USP54: variants seen among roughly 807,000 people sequenced by gnomAD.
The protein encoded by USP54 is ubiquitin carboxyl-terminal hydrolase 54.
A neutral mutation model predicts 170.5 loss-of-function variants in USP54; 87 were observed. That is an observed-to-expected ratio of 0.51 (90% CI 0.43 to 0.61). USP54 has a LOEUF of 0.61. Ranked by LOEUF, USP54 falls within the 20% of genes least tolerant of loss-of-function variation. The probability of loss-of-function intolerance (pLI) is 0.00; values close to 1 mark genes in which losing one functional copy is unlikely to be tolerated. For synonymous variants in USP54, 655 were observed against 742.8 expected, an observed-to-expected ratio of 0.88 and a Z score of 1.92; for missense variants, 1,786 against 2,047.8, an observed-to-expected ratio of 0.87 and a Z score of 2.47.
chr10:73,520,284 T>C (rs1164092932), intron 18 of USP54, among the ~76,000 whole-genome samples: 1 of 152,148 alleles, frequency 6.6e-6, no homozygotes, highest in Admixed American at 6.5e-5. Context: ...GCCACTCTTG[T>C]CCTTTGCATC....
chr10:73,599,899 C>CTTTTTT (rs536461848), intron 1 of USP54, among the ~76,000 whole-genome samples: 17 of 117,968 alleles, frequency 1.4e-4, no homozygotes, highest in South Asian at 5.6e-4. Context: ...GCACTTTGGG[C>CTTTTTT]TTTTTTTTTT....
upstream of USP54, among the ~76,000 whole-genome samples, chr10:73,591,766 C>T (rs942510920): frequency 2.0e-5 from 3 of 152,010 alleles, no homozygotes; most frequent in Non-Finnish European, 4.4e-5. Context: ...CTTTGCACTG[C>T]AGTCAAAAGG....
chr10:73,613,196 G>A (rs947577135), intron 1 of USP54, among the ~76,000 whole-genome samples: 4 of 149,090 alleles, frequency 2.7e-5, no homozygotes, highest in East Asian at 2.0e-4. Context: ...GTACAGTGGC[G>A]TGATCTTGGC....
At chr10:73,509,140 TATC>T (rs1344287348) in intron 20 of USP54, among the ~76,000 whole-genome samples, 1 of 148,584 alleles carries the variant, frequency 6.7e-6, no homozygotes, top group African/African-American at 2.5e-5. Context: ...TTAAGAGCCT[TATC>T]ATCAAAATGC....
At chr10:73,534,986 T>C (rs1373784649) in intron 11 of USP54, among the ~76,000 whole-genome samples, 1 of 152,166 alleles carries the variant, frequency 6.6e-6, no homozygotes, top group Non-Finnish European at 1.5e-5. Flanking sequence ...TTCCCTACCC[T>C]GCTGAAGCCC....
intron 1 of USP54, among the ~76,000 whole-genome samples, chr10:73,612,834 T>G: frequency 7.6e-6 from 1 of 131,952 alleles, no homozygotes. Flanking sequence ...AGTGAGACAT[T>G]GTCTCAAAAA....
In USP54 at chr10:73,571,454, G is replaced by A. The variant is rs780318407; in HGVS notation, c.207C>T (p.Cys69=). The part of the protein sequence containing the change: ...RSFRQLTTHK[C]MGDSCIFCAL... The stretch of plus-strand genomic sequence containing the variant: ...CGCAAAAGATGCAGGAATCTCCCAT[G>A]CACTTGTGAGTTGTAAGCTGCCTAA... The change falls in exon 4 of 24, where the codon TGC becomes TGT. Residue 69 remains cysteine, a synonymous_variant. Coordinates refer to ENST00000687698, the MANE Select transcript of USP54 (RefSeq NM_001391956.1). 31 of 1,613,790 alleles carry A rather than the reference G, an allele frequency of 1.9e-5. No homozygotes were observed. The highest frequency in any genetic ancestry group is 2.5e-5 in the Non-Finnish European group (30 of 1,179,946).
chr10:73,576,871 A>T (rs1250392489), intron 1 of USP54, among the ~76,000 whole-genome samples: 1 of 152,228 alleles, frequency 6.6e-6, no homozygotes, highest in South Asian at 2.1e-4. Context: ...TGGCGAGTAA[A>T]CCACATGTCC....
intron 1 of USP54, among the ~76,000 whole-genome samples, chr10:73,622,675 C>T (rs936638236): frequency 6.6e-6 from 1 of 151,938 alleles, no homozygotes; most frequent in Non-Finnish European, 1.5e-5. Flanking sequence ...CTAATAGGAC[C>T]AGCGAGGTGG....
At chr10:73,523,944 T>C (rs2062401690) in intron 16 of USP54, among the ~76,000 whole-genome samples, 194 bp from the exon 17 acceptor site, 1 of 149,926 alleles carries the variant, frequency 6.7e-6, no homozygotes, top group South Asian at 2.1e-4. Context: ...AGTCTCACTG[T>C]GTTCCCAGGC....
chr10:73,516,319 CT>C lies in USP54; in HGVS notation c.4051+55del, dbSNP rs1316075219. The stretch of plus-strand genomic sequence containing the variant: ...AACACTCCCTTCTGATCTTTCCCTG[CT>C]TTCAGCTTTTATATGATCCTCCCCC... On this transcript the variant is annotated intron_variant, in intron 20 of 23. Transcript: ENST00000687698. The C allele has an allele frequency of 8.5e-6, 13 of 1,537,212 alleles. No individual in the cohort carries two copies. The Admixed American group carries it at 1.6e-4, about 19-fold the overall frequency.
intron 15 of USP54, 182 bp downstream of exon 15, chr10:73,529,498 T>A (rs2063582957): frequency 1.4e-6 from 1 of 707,662 alleles, no homozygotes. Flanking sequence ...AAGTTCTCTC[T>A]CCTTTCTCAA....
chr10:73,605,826 C>T (rs2079572857), intron 1 of USP54, among the ~76,000 whole-genome samples: 1 of 151,930 alleles, frequency 6.6e-6, no homozygotes, highest in Non-Finnish European at 1.5e-5. Flanking sequence ...TGGCTAGGCA[C>T]TTTGGGGAAG....
At chr10:73,609,466 C>G (rs1288651519) in intron 1 of USP54, among the ~76,000 whole-genome samples, 2 of 151,948 alleles carry the variant, frequency 1.3e-5, no homozygotes, top group East Asian at 3.9e-4. Context: ...AATCCCAGCA[C>G]TTTGGGAGGC....
At position 73,549,262 on chromosome 10, in the gene USP54, C is replaced by T. The variant is rs112490500; in HGVS notation, c.241-3590G>A. 2.6e-3 allele frequency among the ~76,000 whole-genome samples: 398 copies of T among 152,296 alleles called. 8 individuals carry two copies. The highest frequency in any genetic ancestry group is 8.6e-3 in the African/African-American group (359 of 41,562). On this transcript the variant is annotated intron_variant, in intron 4 of 23. Coordinates refer to ENST00000687698, the MANE Select transcript of USP54 (RefSeq NM_001391956.1). ...GTCTCATCTAACATGGTTTTACATA[C>T]ACATACATTGACAATTCCCAAAATT...
rs898071192 is a variant in USP54, at chr10:73,523,630, T to C, written c.2315A>G (p.Asn772Ser). Residue 772 changes from asparagine to serine, a missense_variant, in exon 17 of 24, where the codon AAC becomes AGC. Coordinates refer to ENST00000687698, the MANE Select transcript of USP54 (RefSeq NM_001391956.1). Reference sequence around the variant, plus strand: ...GTCCATGAAGCGGCTAGGATGAGGGTTAAACCCTTTCGCTGCCTCTAACTC... The same window carrying C: ...GTCCATGAAGCGGCTAGGATGAGGGCTAAACCCTTTCGCTGCCTCTAACTC... ...EKELEAAKGF[N>S]PHPSRFMDLD... 3.7e-6 allele frequency: 6 copies of C among 1,613,320 alleles called. No individual in the cohort carries two copies. The Admixed American group carries it at 5.0e-5, about 13-fold the overall frequency.
intron 20 of USP54, chr10:73,507,036 A>G (rs2059254607): frequency 6.6e-6 from 1 of 152,162 alleles, no homozygotes; most frequent in African/African-American, 2.4e-5. Context: ...GATATTGTCC[A>G]GCCACTTAAA....
intron 7 of USP54, 106 bp from the exon 8 acceptor site, chr10:73,541,844 C>A: frequency 9.1e-7 from 1 of 1,103,860 alleles, no homozygotes; most frequent in Non-Finnish European, 1.3e-6. Context: ...CTTCCTCTGC[C>A]CCCTATACCA....
intron 1 of USP54, among the ~76,000 whole-genome samples, chr10:73,599,107 G>A (rs2078971960): frequency 6.6e-6 from 1 of 152,116 alleles, no homozygotes; most frequent in Non-Finnish European, 1.5e-5. Flanking sequence ...CATGCAGACT[G>A]ACTGCCCATG....
Sources: allele counts gnomAD v4.1 joint callset (sites outside exome capture counted in the v4.1 genomes callset), GRCh38; gene constraint gnomAD v4.1.1; transcripts MANE v1.5; gene names NCBI Gene and HGNC (gene_info 2026-07-23, HGNC 2026-07-21).